Variants in USP20 observed in about 807,000 individuals in gnomAD.
USP20 encodes ubiquitin specific peptidase 20.
A neutral mutation model predicts 124.2 loss-of-function variants in USP20; 80 were observed. The ratio of observed to expected loss-of-function variants is 0.64; its 90% CI spans 0.54 to 0.78. USP20 has a LOEUF of 0.78. Ranked by LOEUF, USP20 falls within the 30% of genes least tolerant of loss-of-function variation. The pLI, the probability that USP20 is intolerant of heterozygous loss-of-function variation, is 0.00. For synonymous variants in USP20, 481 were observed against 512.3 expected (o/e 0.94, Z 0.83); for missense variants, 1,043 against 1,244.4 (o/e 0.84, Z 2.44).
chr9:129,842,437 G>A (rs2032269147), intron 1 of USP20, among the ~76,000 whole-genome samples: 1 of 152,110 alleles, frequency 6.6e-6, no homozygotes, highest in Non-Finnish European at 1.5e-5. Context: ...CCTATGCCTG[G>A]CTGTTTCCCA....
chr9:129,865,190 A>G (rs2033761844), intron 9 of USP20, 113 bp from the exon 10 acceptor site: 1 of 1,124,060 alleles, frequency 8.9e-7, no homozygotes, highest in Non-Finnish European at 1.3e-6. Flanking sequence ...CCCTCCCCAA[A>G]TGTCAGGAAA....
chr9:129,877,287 G>A lies in USP20; in HGVS notation c.2409+1049G>A, dbSNP rs190355603. ...TGATCCCAGCACTTTGGGAGGCCGA[G>A]GCAGGTGGATCACTTGAGCCCAGGA... On this transcript the variant is annotated intron_variant, in intron 22 of 25. Transcript: ENST00000372429. Among the ~76,000 whole-genome samples the A allele has an allele frequency of 2.6e-4, 40 of 152,340 alleles. 1 individual carries two copies. The East Asian group carries it at 7.3e-3, about 28-fold the overall frequency.
rs775441576 is a variant in USP20, at chr9:129,865,263, A to G, written c.612-40A>G. On this transcript the variant is annotated intron_variant, in intron 9 of 25. Coordinates refer to ENST00000372429, the MANE Select transcript of USP20 (RefSeq NM_001110303.4). ...GCTTCTCTCGGGAATGAGCAGCTCA[A>G]GGCAGGCTACCTGGACTAATGGGTT... is the stretch of plus-strand genomic sequence containing the variant. 5 of 1,608,526 alleles carry G rather than the reference A, an allele frequency of 3.1e-6. No individual in the cohort carries two copies. In the South Asian group the frequency reaches 4.4e-5, roughly 14 times the overall value.
chr9:129,876,018 G>A (rs10988537), intron 21 of USP20, 112 bp from the exon 22 acceptor site: 7 of 958,364 alleles, frequency 7.3e-6, no homozygotes, highest in African/African-American at 3.4e-5. Flanking sequence ...GCAGGCCTGC[G>A]ACAGCGCTGA....
chr9:129,867,036 G>A (rs2033851895), intron 10 of USP20, among the ~76,000 whole-genome samples: 1 of 152,194 alleles, frequency 6.6e-6, no homozygotes, highest in Non-Finnish European at 1.5e-5. Flanking sequence ...TGTGACATGA[G>A]GCTGGCTCTG....
intron 10 of USP20, among the ~76,000 whole-genome samples, chr9:129,866,203 GTC>G (rs1226366066): frequency 9.7e-5 from 9 of 93,154 alleles, no homozygotes; most frequent in African/African-American, 1.5e-4. Context: ...CGGAGTGGCA[GTC>G]ATGTGGGGAC....
chr9:129,866,261 A>T (rs1057263007), intron 10 of USP20, among the ~76,000 whole-genome samples: 1 of 152,276 alleles, frequency 6.6e-6, no homozygotes, highest in East Asian at 1.9e-4. Context: ...CCCAGGATGA[A>T]GTCTGCTGGG....
chr9:129,849,636 A>T (rs138148705), intron 1 of USP20, among the ~76,000 whole-genome samples, 177 bp from the exon 2 acceptor site: 2 of 152,192 alleles, frequency 1.3e-5, no homozygotes, highest in East Asian at 3.9e-4. Context: ...GGTGGTGCAC[A>T]CCTATAGTCC....
In USP20 at chr9:129,858,128, G is replaced by C. The variant is rs1451260137; in HGVS notation, c.198+16G>C. 2 of 1,612,930 alleles carry C rather than the reference G, an allele frequency of 1.2e-6. No individual in the cohort carries two copies. The highest frequency in any genetic ancestry group is 2.7e-5 in the African/African-American group (2 of 74,932). On this transcript the variant is annotated intron_variant, in intron 5 of 25. Transcript: ENST00000372429. ...TCATGCACAGGTGAGTGTGGTGGCT[G>C]AGAGTATGGGCCCTGCAGTTAGATG...
chr9:129,838,201 C>T (rs936332352), intron 1 of USP20, among the ~76,000 whole-genome samples: 1 of 152,102 alleles, frequency 6.6e-6, no homozygotes, highest in Non-Finnish European at 1.5e-5. Context: ...ACCACCACAC[C>T]TGGCTAATTT....
chr9:129,873,869 C>T, intron 17 of USP20, 125 bp downstream of exon 17: 1 of 1,200,004 alleles, frequency 8.3e-7, no homozygotes, highest in South Asian at 1.4e-5. Flanking sequence ...CGTGGAGACT[C>T]CATAGCTTTG....
At chr9:129,854,746 A>G (rs967418687) in intron 3 of USP20, among the ~76,000 whole-genome samples, 2 of 152,236 alleles carry the variant, frequency 1.3e-5, no homozygotes, top group African/African-American at 2.4e-5. Context: ...GAGTCTGCTA[A>G]GCAGACTGAT....
intron 4 of USP20, among the ~76,000 whole-genome samples, chr9:129,857,450 C>T (rs1459533772): frequency 6.6e-6 from 1 of 152,202 alleles, no homozygotes; most frequent in African/African-American, 2.4e-5. Flanking sequence ...GCATTGGCTA[C>T]TGGCTGGCGT....
chr9:129,852,345 G>A (rs1163590291), intron 2 of USP20, among the ~76,000 whole-genome samples, 195 bp from the exon 3 acceptor site: 2 of 152,160 alleles, frequency 1.3e-5, no homozygotes, highest in East Asian at 1.9e-4. Context: ...ACCTAGGAGC[G>A]ACCCACTGGG....
At chr9:129,844,594 A>C (rs1191091706) in intron 1 of USP20, among the ~76,000 whole-genome samples, 2 of 145,852 alleles carry the variant, frequency 1.4e-5, no homozygotes, top group Admixed American at 7.1e-5. Flanking sequence ...ACTGCACTCC[A>C]GCCTGGGTGA....
At chr9:129,861,747 A>C (rs984931545) in intron 8 of USP20, 135 bp downstream of exon 8, 66 of 701,630 alleles carry the variant, frequency 9.4e-5, no homozygotes, top group Non-Finnish European at 1.5e-4. Context: ...AAGCATGTAT[A>C]CCCTTTGACC....
At chr9:129,873,200 C>T (rs540104754) in intron 15 of USP20, among the ~76,000 whole-genome samples, 1 of 151,736 alleles carries the variant, frequency 6.6e-6, no homozygotes, top group South Asian at 2.1e-4. Flanking sequence ...TCTCCCACCT[C>T]AGCCTCCTGA....
At chr9:129,861,685 C>G in intron 8 of USP20, 73 bp downstream of exon 8, 1 of 1,464,824 alleles carries the variant, frequency 6.8e-7, no homozygotes, top group Non-Finnish European at 9.5e-7. Context: ...AGTAGCAGCC[C>G]CCAGCCGGTT....
At chr9:129,851,262 T>TC (rs1387719359) in intron 2 of USP20, among the ~76,000 whole-genome samples, 1 of 148,668 alleles carries the variant, frequency 6.7e-6, no homozygotes, top group East Asian at 1.9e-4. Context: ...CACATACTTT[T>TC]TTTTTTTTTT....
Sources: allele counts gnomAD v4.1 joint callset (sites outside exome capture counted in the v4.1 genomes callset), GRCh38; gene constraint gnomAD v4.1.1; transcripts MANE v1.5; gene names NCBI Gene and HGNC (gene_info 2026-07-23, HGNC 2026-07-21).